RHOBTB2: variants seen among roughly 807,000 people sequenced by gnomAD.
The protein encoded by RHOBTB2 is rho-related BTB domain-containing protein 2.
A neutral mutation model predicts 66.5 loss-of-function variants in RHOBTB2; 39 were observed. The observed-to-expected ratio is 0.59, with a 90% CI of 0.45 to 0.77. The LOEUF (loss-of-function observed/expected upper bound fraction) is 0.77. RHOBTB2 is among the 30% of genes least tolerant of loss of function. The probability of loss-of-function intolerance (pLI) is 0.00; values close to 1 mark genes in which losing one functional copy is unlikely to be tolerated. For synonymous variants in RHOBTB2, 390 were observed against 395.0 expected, an observed-to-expected ratio of 0.99 and a Z score of 0.15; for missense variants, 755 against 999.1, an observed-to-expected ratio of 0.76 and a Z score of 3.29.
chr8:22,972,143 C>T, the RHOBTB2 span, among the ~76,000 whole-genome samples: 1 of 152,158 alleles, frequency 6.6e-6, no homozygotes, highest in Admixed American at 6.5e-5. Flanking sequence ...CCTCGCATTC[C>T]GTCAAAGGCC....
chr8:22,972,444 T>C, the RHOBTB2 span, among the ~76,000 whole-genome samples: 2 of 152,206 alleles, frequency 1.3e-5, no homozygotes, highest in Non-Finnish European at 2.9e-5. Context: ...GAATCTGGTA[T>C]ACTGCTTCAT....
rs745472057 is a variant in RHOBTB2, at chr8:23,017,574, C to G, written c.*105C>G. 14 of 1,487,468 alleles carry G rather than the reference C, an allele frequency of 9.4e-6. No individual in the cohort carries two copies. Among genetic ancestry groups the G allele is most frequent in the Non-Finnish European group, 1.2e-5 (13 of 1,107,920 alleles). The allele number at this position is 1,487,468 out of a possible 1,614,324, so 92.1% of individuals were successfully genotyped here. ...CACCTTACAGGGACCAGGGGGCCCA[C>G]GTAACCAGGACCCAGAGGGTGGAGC... On this transcript the variant is annotated 3_prime_UTR_variant, in exon 10 of 10. Coordinates refer to ENST00000251822, the MANE Select transcript of RHOBTB2 (RefSeq NM_015178.3). This position sits in a 1 kb window ranked among gnomAD's most constrained non-coding sequence, Gnocchi z 5.3.
At chr8:22,981,473 G>T in the RHOBTB2 span, among the ~76,000 whole-genome samples, 1 of 152,210 alleles carries the variant, frequency 6.6e-6, no homozygotes, top group Non-Finnish European at 1.5e-5. Flanking sequence ...TCTCGCCAGG[G>T]CAGGCCCCTC....
rs1810891968 is a variant in RHOBTB2 at position 23,004,589 on chromosome 8, C to A, written c.155C>A (p.Thr52Lys). 1 of 1,613,952 alleles carries A rather than the reference C, an allele frequency of 6.2e-7. No homozygotes were observed. The highest frequency in any genetic ancestry group is 8.5e-7 in the Non-Finnish European group (1 of 1,180,028). ...QYQLLATHVPTVWAIDQYRVC... is the reference protein window; with the variant it reads ...QYQLLATHVPKVWAIDQYRVC... ...CAGCTGCTGGCCACGCATGTGCCCA[C>A]AGTATGGGCCATCGACCAATATCGT... Residue 52 changes from threonine (T) to lysine (K), a missense_variant, in exon 2 of 10, where the codon ACA becomes AAA. Transcript: ENST00000251822. The surrounding 1 kb of genome is among the most constrained non-coding windows in gnomAD (Gnocchi z 6.4).
intron 9 of RHOBTB2, among the ~76,000 whole-genome samples, chr8:23,016,028 T>A (rs556786207): frequency 6.6e-6 from 1 of 152,308 alleles, no homozygotes; most frequent in East Asian, 1.9e-4. Context: ...CCGTAAGAAA[T>A]ACATTTCATC....
chr8:23,001,255 T>C (rs1190028534), intron 1 of RHOBTB2, among the ~76,000 whole-genome samples: 2 of 151,638 alleles, frequency 1.3e-5, no homozygotes, highest in African/African-American at 4.9e-5. Context: ...GGAGGTTGAT[T>C]GAGTGGGGAT....
At chr8:22,962,239 A>C in the RHOBTB2 span, among the ~76,000 whole-genome samples, 1 of 123,284 alleles carries the variant, frequency 8.1e-6, no homozygotes, top group African/African-American at 3.3e-5. Flanking sequence ...GTAACCCACA[A>C]AGAGATAAAT....
At chr8:22,956,270 CT>C in the RHOBTB2 span, among the ~76,000 whole-genome samples, 1 of 152,296 alleles carries the variant, frequency 6.6e-6, no homozygotes, top group African/African-American at 2.4e-5. Context: ...GTTTCAGGTT[CT>C]GATATGCTTT....
the RHOBTB2 span, among the ~76,000 whole-genome samples, chr8:22,963,251 G>T: frequency 6.6e-6 from 1 of 152,190 alleles, no homozygotes; most frequent in East Asian, 1.9e-4. Flanking sequence ...TTTATACTCT[G>T]AATTGATACA....
the RHOBTB2 span, among the ~76,000 whole-genome samples, chr8:22,962,010 G>A: frequency 1.3e-5 from 2 of 151,602 alleles, no homozygotes; most frequent in African/African-American, 4.8e-5. Flanking sequence ...CAAATTTACG[G>A]AAAAGCCAGG....
the RHOBTB2 span, among the ~76,000 whole-genome samples, chr8:22,962,507 A>C: frequency 6.6e-6 from 1 of 152,250 alleles, no homozygotes; most frequent in East Asian, 1.9e-4. Flanking sequence ...GTTTCAAAGC[A>C]GGTTTTACTT....
chr8:22,960,946 C>G, the RHOBTB2 span, among the ~76,000 whole-genome samples: 1 of 152,200 alleles, frequency 6.6e-6, no homozygotes, highest in Non-Finnish European at 1.5e-5. Context: ...TAGCCCTGAT[C>G]CCCTACTTGT....
At chr8:22,983,870 G>A (rs1810251109), upstream of RHOBTB2, among the ~76,000 whole-genome samples, 1 of 152,118 alleles carries the variant, frequency 6.6e-6, no homozygotes, top group South Asian at 2.1e-4. Context: ...GAGTAGCTGG[G>A]ACTACAGGTG....
intron 1 of RHOBTB2, among the ~76,000 whole-genome samples, chr8:23,002,512 C>T (rs992858913): frequency 6.6e-6 from 1 of 151,962 alleles, no homozygotes; most frequent in Admixed American, 6.6e-5. Context: ...ACCAACATGG[C>T]GAAACCCCGT....
chr8:23,005,528 T>C, intron 3 of RHOBTB2, 53 bp downstream of exon 3: 4 of 1,208,474 alleles, frequency 3.3e-6, no homozygotes, highest in South Asian at 1.2e-5. Context: ...GGTTTTTCCC[T>C]GCTTTTCCCA....
chr8:22,951,244 CTTTTTT>C, the RHOBTB2 span, among the ~76,000 whole-genome samples: 4 of 87,984 alleles, frequency 4.5e-5, no homozygotes, highest in African/African-American at 1.4e-4. Context: ...CTACTTAGCT[CTTTTTT>C]TTTTTTTTTT....
the RHOBTB2 span, among the ~76,000 whole-genome samples, chr8:22,953,707 T>A: frequency 6.6e-6 from 1 of 152,192 alleles, no homozygotes; most frequent in African/African-American, 2.4e-5. Context: ...CAACATTTGT[T>A]GAGTTGAGTG....
the RHOBTB2 span, among the ~76,000 whole-genome samples, chr8:22,982,237 G>C: frequency 3.3e-5 from 5 of 152,162 alleles, no homozygotes; most frequent in African/African-American, 1.2e-4. Context: ...TTTTAAACCC[G>C]TTCTCCCTGT....
chr8:22,979,738 CTTTCTTTTT>C, the RHOBTB2 span, among the ~76,000 whole-genome samples: 1 of 76,974 alleles, frequency 1.3e-5, no homozygotes, highest in Non-Finnish European at 2.9e-5. Context: ...CTTTTCTTTT[CTTTCTTTTT>C]TTTTTTTTTT....
Sources: allele counts gnomAD v4.1 joint callset (sites outside exome capture counted in the v4.1 genomes callset), GRCh38; gene constraint gnomAD v4.1.1; non-coding constraint Gnocchi (gnomAD v3.1); transcripts MANE v1.5; gene names NCBI Gene and HGNC (gene_info 2026-07-23, HGNC 2026-07-21).